Variants in MMP7 observed in about 807,000 individuals in gnomAD.
MMP7 encodes the protein matrilysin.
Under a neutral mutation model 31.5 loss-of-function variants are expected in MMP7, and 26 were observed. The observed-to-expected ratio is 0.83, with a 90% CI of 0.61 to 1.15. The LOEUF is 1.15. Ranked by LOEUF, MMP7 falls within the 50% of genes most tolerant of loss-of-function variation. The pLI is 0.00. For synonymous variants in MMP7, 142 were observed against 124.2 expected, an observed-to-expected ratio of 1.14 and a Z score of -0.95; for missense variants, 367 against 326.5, an observed-to-expected ratio of 1.12 and a Z score of -0.96.
At chr11:102,524,069 G>A (rs141103709) in intron 4 of MMP7, among the ~76,000 whole-genome samples, 22 of 152,292 alleles carry the variant, frequency 1.4e-4, no homozygotes, top group Non-Finnish European at 2.5e-4. Context: ...GTGTGAGCCC[G>A]TGCGTTTGAG....
At position 102,527,948 on chromosome 11, in the gene MMP7, T is replaced by G. The variant is rs771129234; in HGVS notation, c.144A>C (p.Glu48Asp). Residue 48 changes from glutamate (E) to aspartate (D), a missense_variant, in exon 2 of 6, where the codon GAA becomes GAC. Coordinates refer to ENST00000260227, the MANE Select transcript of MMP7 (RefSeq NM_002423.5). The part of the protein sequence containing the change: ...YLKRFYLYDS[E>D]TKNANSLEAK... ...CTTCTAAACTGTTGGCATTTTTTGT[T>G]TCTGAGTCATAGAGATAAAATCTCT... The G allele has an allele frequency of 8.1e-6, 13 of 1,613,900 alleles. No homozygotes were observed. Among genetic ancestry groups the G allele is most frequent in the Admixed American group, 5.0e-5 (3 of 60,006 alleles).
At chr11:102,530,219 A>T (rs1489743420) in intron 1 of MMP7, among the ~76,000 whole-genome samples, 1 of 152,250 alleles carries the variant, frequency 6.6e-6, no homozygotes, top group Non-Finnish European at 1.5e-5. Context: ...GTTATAATAA[A>T]TAAAAATAAG....
At chr11:102,523,577 A>T (rs1254507519) in intron 4 of MMP7, among the ~76,000 whole-genome samples, 176 bp from the exon 5 acceptor site, 2 of 152,188 alleles carry the variant, frequency 1.3e-5, no homozygotes, top group African/African-American at 4.8e-5. Flanking sequence ...TAGAAGGTTA[A>T]TCAGAATAGG....
Position 102,520,608 on chromosome 11 carries a change from A to G in MMP7, c.*168T>C. On this transcript the variant is annotated 3_prime_UTR_variant, in exon 6 of 6. Transcript: ENST00000260227. ...GATGAATAAGACACAGTCACACCAT[A>G]AAGGAGTTTATCCTTAAAAGGAGTG... 1 of 561,174 alleles carries G rather than the reference A, an allele frequency of 1.8e-6. No individual in the cohort carries two copies. Among genetic ancestry groups the G allele is most frequent in the Non-Finnish European group, 3.2e-6 (1 of 315,952 alleles). The allele number at this position is 561,174 out of a possible 1,614,324, so 34.8% of individuals were successfully genotyped here.
chr11:102,527,613 G>T lies in MMP7; in HGVS notation c.395C>A (p.Ala132Asp), dbSNP rs1858686818. 1 of 1,614,088 alleles carries T rather than the reference G, an allele frequency of 6.2e-7. No homozygotes were observed. Among genetic ancestry groups the T allele is most frequent in the Non-Finnish European group, 8.5e-7 (1 of 1,180,004 alleles). Reference sequence around the variant, plus strand: ...GATCTCTTTGCCCCACATGTTTAAAGCCTTTGACACTAATCGATCCACTGT... The same window carrying T: ...GATCTCTTTGCCCCACATGTTTAAATCCTTTGACACTAATCGATCCACTGT... ...HITVDRLVSK[A>D]LNMWGKEIPL... Residue 132 changes from alanine to aspartate, a missense_variant, in exon 3 of 6, where the codon GCT becomes GAT. Physicochemically the swap from Ala to Asp is moderately radical, Grantham distance 126. Coordinates refer to ENST00000260227, the MANE Select transcript of MMP7 (RefSeq NM_002423.5).
chr11:102,526,035 C>T (rs1055922241), intron 3 of MMP7, among the ~76,000 whole-genome samples: 1 of 151,498 alleles, frequency 6.6e-6, no homozygotes, highest in Non-Finnish European at 1.5e-5. Context: ...CTACAGTAGC[C>T]GGACCATTCC....
chr11:102,526,238 A>ATT (rs1420761860), intron 3 of MMP7, among the ~76,000 whole-genome samples: 4 of 130,894 alleles, frequency 3.1e-5, no homozygotes, highest in African/African-American at 1.3e-4. Context: ...ATATATATAT[A>ATT]TATTTTTTTT....
intron 4 of MMP7, 164 bp downstream of exon 4, chr11:102,524,772 A>C: frequency 1.5e-6 from 1 of 668,712 alleles, no homozygotes; most frequent in Non-Finnish European, 2.2e-6. Context: ...TGTGTGTAGC[A>C]TTATGAGTAT....
Position 102,525,067 on chromosome 11 carries a change from G to A in MMP7, c.485-3C>T, listed in dbSNP as rs768936226. 48 of 1,592,158 alleles carry A rather than the reference G, an allele frequency of 3.0e-5. No homozygotes were observed. The highest frequency in any genetic ancestry group is 3.9e-5 in the Non-Finnish European group (46 of 1,173,232). On this transcript the variant is annotated splice_region_variant and splice_polypyrimidine_tract_variant and intron_variant, in intron 3 of 5. Coordinates refer to ENST00000260227, the MANE Select transcript of MMP7 (RefSeq NM_002423.5). Reference sequence around the variant, plus strand: ...AAATGGGTAGGAGTCCCCATGAGCTGAAAGAAAATGGAGTGATTGTTCTTA... The same window carrying A: ...AAATGGGTAGGAGTCCCCATGAGCTAAAAGAAAATGGAGTGATTGTTCTTA...
At position 102,527,893 on chromosome 11, in the gene MMP7, C is replaced by T; in HGVS notation, c.199G>A (p.Gly67Ser). 1 of 1,614,058 alleles carries T rather than the reference C, an allele frequency of 6.2e-7. No individual in the cohort carries two copies. Among genetic ancestry groups the T allele is most frequent in the African/African-American group, 1.3e-5 (1 of 75,002 alleles). Residue 67 changes from glycine (G) to serine (S), a missense_variant, in exon 2 of 6, where the codon GGC (glycine) becomes AGC (serine). Transcript: ENST00000260227. Reference protein sequence around the residue: ...AKLKEMQKFFGLPITGMLNSR... With the variant: ...AKLKEMQKFFSLPITGMLNSR... ...TTTAACATTCCAGTTATAGGTAGGC[C>T]AAAGAATTTTTGCATCTCCTTGAGT... is the stretch of plus-strand genomic sequence containing the variant.
Position 102,524,992 on chromosome 11 carries a change from A to G in MMP7, c.557T>C (p.Leu186Pro), listed in dbSNP as rs1282474953. 2.5e-6 allele frequency: 4 copies of G among 1,614,018 alleles called. No individual in the cohort carries two copies. In the African/African-American group the frequency reaches 4.0e-5, roughly 16 times the overall value. Residue 186 changes from leucine to proline, a missense_variant, in exon 4 of 6, where the codon CTC (leucine) becomes CCC (proline). Leu to Pro is a moderately conservative substitution (Grantham distance 98). Coordinates refer to ENST00000260227, the MANE Select transcript of MMP7 (RefSeq NM_002423.5). ...CTCATCGAAGTGAGCATCTCCTCCG[A>G]GACCTGTCCCAGGCGCAAAGGCATG... The part of the protein sequence containing the change: ...LAHAFAPGTG[L>P]GGDAHFDEDE...
rs143955648 is a variant in MMP7, at chr11:102,523,521, G to A, written c.614-120C>T. On this transcript the variant is annotated intron_variant, in intron 4 of 5. Transcript: ENST00000260227. ...GAAAAATACCCAAGTTTTAGCCCAC[G>A]GTAGCTTACTTATTTGTTTCTAGGC... is the stretch of plus-strand genomic sequence containing the variant. 4.3e-5 allele frequency: 34 copies of A among 784,850 alleles called. No individual in the cohort carries two copies. In the African/African-American group the frequency reaches 5.0e-4, roughly 11 times the overall value. The allele number at this position is 784,850 out of a possible 1,614,324, so 48.6% of individuals were successfully genotyped here.
At chr11:102,527,094 T>C (rs1373696399) in intron 3 of MMP7, 2 of 233,476 alleles carry the variant, frequency 8.6e-6, no homozygotes, top group Non-Finnish European at 1.7e-5. Context: ...TGTTAAGCAG[T>C]GCATGACTGT....
chr11:102,523,768 T>A (rs1339540386), intron 4 of MMP7, among the ~76,000 whole-genome samples: 2 of 152,196 alleles, frequency 1.3e-5, no homozygotes, highest in African/African-American at 2.4e-5. Context: ...GATTAATTGA[T>A]GTTGCTGAGT....
At position 102,520,656 on chromosome 11, in the gene MMP7, CAATAAAAAAGGGTGACAT is replaced by C. The variant is rs1263332658; in HGVS notation, c.*102_*119del. The C allele has an allele frequency of 1.3e-6, 1 of 757,802 alleles. No homozygotes were observed. The highest frequency in any genetic ancestry group is 2.1e-6 in the Non-Finnish European group (1 of 479,046). 46.9% of individuals were successfully genotyped at this position (757,802 alleles called of 1,614,324 possible). A position where few individuals can be genotyped will look rare whatever the true frequency, so the allele number is the denominator to read the frequency against. ...GTGAAAGACATTCAAAAACCAACTG[CAATAAAAAAGGGTGACAT>C]AATTGCTAAATGGAGTGGAGGAACA... On this transcript the variant is annotated 3_prime_UTR_variant, in exon 6 of 6. Coordinates refer to ENST00000260227, the MANE Select transcript of MMP7 (RefSeq NM_002423.5).
intron 1 of MMP7, among the ~76,000 whole-genome samples, chr11:102,529,319 C>T (rs1265691245): frequency 6.6e-6 from 1 of 152,138 alleles, no homozygotes; most frequent in East Asian, 1.9e-4. Flanking sequence ...ACAAATAACC[C>T]ATTTAATCCC....
rs560530697 is a variant in MMP7, at chr11:102,522,478, G to T, written c.775+762C>A. On this transcript the variant is annotated intron_variant, in intron 5 of 5. Coordinates refer to ENST00000260227, the MANE Select transcript of MMP7 (RefSeq NM_002423.5). ...GGGTAGTGATAGGCAGGAATATGTC[G>T]TAGAAAAAGTATGAAGTCACATAGC... is the stretch of plus-strand genomic sequence containing the variant. Among the ~76,000 whole-genome samples, 25 of 152,286 alleles carry T rather than the reference G, an allele frequency of 1.6e-4. No homozygotes were observed. In the South Asian group the frequency reaches 4.6e-3, roughly 28 times the overall value.
chr11:102,527,802 A>G lies in MMP7; in HGVS notation c.290T>C (p.Leu97Pro). 2 of 1,614,186 alleles carry G rather than the reference A, an allele frequency of 1.2e-6. No homozygotes were observed. The highest frequency in any genetic ancestry group is 1.7e-6 in the Non-Finnish European group (2 of 1,180,018). ...AGTCCATTTTGGGCTATTTGGAAATAGTGAGTATTCTGCAACATCTGGCAC... is the reference window on the plus strand; with the variant it reads ...AGTCCATTTTGGGCTATTTGGAAATGGTGAGTATTCTGCAACATCTGGCAC... ...CGVPDVAEYS[L>P]FPNSPKWTSK... Residue 97 changes from leucine to proline, a missense_variant, in exon 2 of 6, where the codon CTA becomes CCA. Transcript: ENST00000260227.
Position 102,523,295 on chromosome 11 carries a change from A to T in MMP7, c.720T>A (p.Asp240Glu), listed in dbSNP as rs373192790. 1.1e-5 allele frequency: 18 copies of T among 1,612,200 alleles called. No homozygotes were observed. Among genetic ancestry groups the T allele is most frequent in the Admixed American group, 1.7e-5 (1 of 59,980 alleles). Residue 240 changes from aspartate (D) to glutamate (E), a missense_variant, in exon 5 of 6, where the codon GAT becomes GAA. By Grantham distance (45) the Asp-to-Glu change is conservative. Coordinates refer to ENST00000260227, the MANE Select transcript of MMP7 (RefSeq NM_002423.5). ...AVMYPTYGNG[D>E]PQNFKLSQDD... ...CCTGGGAAAGTTTAAAATTTTGGGG[A>T]TCTCCATTTCCATAGGTTGGATACA... is the stretch of plus-strand genomic sequence containing the variant.
Sources: gnomAD v4.1 joint callset for allele counts (sites outside exome capture counted in the v4.1 genomes callset) on GRCh38, gnomAD v4.1.1 for gene constraint, MANE v1.5 for transcripts, NCBI Gene and HGNC (gene_info 2026-07-23, HGNC 2026-07-21) for gene names.